The following CUX1 variants were observed in gnomAD, a reference collection of about 807,000 sequenced individuals.
The protein encoded by CUX1 is cut like homeobox 1, also known as protein CASP.
In CUX1, 31 loss-of-function variants were observed where a neutral mutation model predicts 158.8. The observed-to-expected ratio is 0.20, with a 90% CI of 0.15 to 0.26. The LOEUF (loss-of-function observed/expected upper bound fraction) is 0.26, where lower values mean the gene tolerates loss of function less well. Ranked by LOEUF, CUX1 falls within the 10% of genes least tolerant of loss-of-function variation. CUX1 has a pLI of 1.00. For synonymous variants in CUX1, 879 were observed against 862.1 expected, an observed-to-expected ratio of 1.02 and a Z score of -0.34; for missense variants, 1,589 against 2,014.6, an observed-to-expected ratio of 0.79 and a Z score of 4.04.
At chr7:102,110,428 A>G (rs1223082317) in intron 6 of CUX1, among the ~76,000 whole-genome samples, 1 of 152,212 alleles carries the variant, frequency 6.6e-6, no homozygotes, top group African/African-American at 2.4e-5. Flanking sequence ...AGCATGTTAC[A>G]TATTAGTTTG....
At position 102,015,661 on chromosome 7, in the gene CUX1, T is replaced by C. The variant is rs1310937619; in HGVS notation, c.142-12437T>C. On this transcript the variant is annotated intron_variant, in intron 2 of 23. Transcript: ENST00000292535. ...AATGCTTATATGTGTGTGAGATTCA[T>C]TGTTACCATGTTGGGATCAGACTGT... is the stretch of plus-strand genomic sequence containing the variant. Among the ~76,000 whole-genome samples, 15 of 152,234 alleles carry C rather than the reference T, an allele frequency of 9.9e-5. No individual in the cohort carries two copies. In the South Asian group the frequency reaches 1.2e-3, roughly 13 times the overall value.
chr7:102,282,568 T>A (rs2132854749), intron 21 of CUX1: 1 of 724,044 alleles, frequency 1.4e-6, no homozygotes, highest in South Asian at 1.8e-5. Flanking sequence ...AAGCAGTGGG[T>A]GCAGGAACAT....
At chr7:101,887,844 T>C (rs1257649432) in intron 1 of CUX1, among the ~76,000 whole-genome samples, 10,363 of 51,154 alleles carry the variant, frequency 0.2, 427 homozygotes, top group Non-Finnish European at 0.28. Flanking sequence ...GACGGTGACA[T>C]TTTTTTTTTT....
At chr7:101,944,221 T>C (rs975552502) in intron 2 of CUX1, among the ~76,000 whole-genome samples, 17 of 151,364 alleles carry the variant, frequency 1.1e-4, no homozygotes, top group African/African-American at 3.6e-4. Flanking sequence ...TTGCAGGGGG[T>C]AGTTGTGTCC....
intron 8 of CUX1, among the ~76,000 whole-genome samples, chr7:102,142,779 G>A (rs772421037): frequency 6.1e-5 from 9 of 148,538 alleles, no homozygotes; most frequent in African/African-American, 1.5e-4. Context: ...AAAATTAGCC[G>A]GGAGAGGTGA....
chr7:102,118,815 G>A (rs977951079), intron 8 of CUX1, among the ~76,000 whole-genome samples: 19 of 152,088 alleles, frequency 1.2e-4, no homozygotes, highest in African/African-American at 4.6e-4. Context: ...GCAGTGGCAC[G>A]ATCTTGGCTC....
At chr7:102,077,364 G>C (rs1826876260) in intron 4 of CUX1, among the ~76,000 whole-genome samples, 1 of 151,836 alleles carries the variant, frequency 6.6e-6, no homozygotes, top group East Asian at 1.9e-4. Flanking sequence ...CAGCCAGACG[G>C]AGACACTGAA....
chr7:102,136,257 C>T (rs1219823248), intron 8 of CUX1, among the ~76,000 whole-genome samples: 5 of 151,928 alleles, frequency 3.3e-5, no homozygotes, highest in African/African-American at 7.3e-5. Flanking sequence ...CTCTTGATGA[C>T]GTCTCCTTGT....
chr7:102,227,326 A>G (rs1488615169), intron 20 of CUX1, 41 bp from the exon 21 acceptor site: 1 of 1,550,086 alleles, frequency 6.5e-7, no homozygotes, highest in Non-Finnish European at 8.8e-7. Flanking sequence ...GGTAAAAGAC[A>G]GCTATTTTCA....
At chr7:102,145,095 A>T (rs1451556407) in intron 8 of CUX1, among the ~76,000 whole-genome samples, 1 of 151,758 alleles carries the variant, frequency 6.6e-6, no homozygotes, top group Non-Finnish European at 1.5e-5. Flanking sequence ...TTAAAAAAAA[A>T]AAAAAAAAAA....
At chr7:101,845,184 C>G (rs747223149) in intron 1 of CUX1, among the ~76,000 whole-genome samples, 2 of 151,994 alleles carry the variant, frequency 1.3e-5, no homozygotes, top group Non-Finnish European at 2.9e-5. Context: ...TGGGGTCTCA[C>G]TATGTTGCCC....
At chr7:102,026,136 A>C (rs1819996789) in intron 2 of CUX1, among the ~76,000 whole-genome samples, 1 of 152,104 alleles carries the variant, frequency 6.6e-6, no homozygotes, top group Admixed American at 6.6e-5. Context: ...CTATGATCAC[A>C]CCACTACACT....
chr7:102,100,925 C>A (rs540095606), intron 5 of CUX1, among the ~76,000 whole-genome samples: 60 of 152,254 alleles, frequency 3.9e-4, no homozygotes, highest in Middle Eastern at 3.4e-3. Context: ...GCTGTATGAG[C>A]ACGATGCCAG....
chr7:101,908,450 TTTTGTTTGTTTGTTTG>T lies in CUX1; in HGVS notation c.31-7645_31-7630del, dbSNP rs59267502. 9.4e-4 allele frequency among the ~76,000 whole-genome samples: 142 copies of T among 150,292 alleles called. 1 individual carries two copies. The highest frequency in any genetic ancestry group is 1.6e-3 in the Non-Finnish European group (105 of 67,556). On this transcript the variant is annotated intron_variant, in intron 1 of 23. Coordinates refer to ENST00000292535, the MANE Select transcript of CUX1 (RefSeq NM_181552.4). ...CGTGAACCACTGCGCCCAGCCTGTTTTTTGTTTGTTTGTTTGTTTGTTTGTTTGTTTGTTTTTGAAT... is the reference window on the plus strand; with the variant it reads ...CGTGAACCACTGCGCCCAGCCTGTTTTTTGTTTGTTTGTTTGTTTTTGAAT...
At chr7:102,057,700 A>G (rs1585455663) in intron 3 of CUX1, among the ~76,000 whole-genome samples, 1 of 152,304 alleles carries the variant, frequency 6.6e-6, no homozygotes, top group East Asian at 1.9e-4. Context: ...ACTTGAATGG[A>G]TGAGGGGTTG....
chr7:102,159,871 A>T (rs1477189359), intron 9 of CUX1, among the ~76,000 whole-genome samples: 1 of 151,430 alleles, frequency 6.6e-6, no homozygotes, highest in Non-Finnish European at 1.5e-5. Context: ...AATAAAATTT[A>T]AAAATAAATT....
chr7:102,250,697 T>A lies in CUX1; in HGVS notation c.*1655T>A, dbSNP rs781904203. 15 of 985,438 alleles carry A rather than the reference T, an allele frequency of 1.5e-5. No individual in the cohort carries two copies. The highest frequency in any genetic ancestry group is 1.8e-5 in the Non-Finnish European group (15 of 829,922). The allele number at this position is 985,438 out of a possible 1,614,324, so 61.0% of individuals were successfully genotyped here. A position where few individuals can be genotyped will look rare whatever the true frequency, so the allele number is the denominator to read the frequency against. On this transcript the variant is annotated 3_prime_UTR_variant, in exon 24 of 24. Coordinates refer to ENST00000292535, the MANE Select transcript of CUX1 (RefSeq NM_181552.4). ...TTTTATGCACAGTTTTAGGGCAGTC[T>A]AAGTACAAACTGAAAGTCTAACTTG... is the stretch of plus-strand genomic sequence containing the variant.
intron 1 of CUX1, chr7:101,913,072 C>T: frequency 5.8e-6 from 1 of 171,154 alleles, no homozygotes; most frequent in South Asian, 1.0e-4. Flanking sequence ...TCGCTGTCTC[C>T]TCCCACAGCC....
At chr7:102,175,154 C>T (rs1306687375) in intron 10 of CUX1, among the ~76,000 whole-genome samples, 1 of 152,212 alleles carries the variant, frequency 6.6e-6, no homozygotes, top group Non-Finnish European at 1.5e-5. Context: ...CATGCCCAGC[C>T]GGGCGCAGGA....
Sources: allele counts gnomAD v4.1 joint callset (sites outside exome capture counted in the v4.1 genomes callset), GRCh38; gene constraint gnomAD v4.1.1; transcripts MANE v1.5; gene names NCBI Gene and HGNC (gene_info 2026-07-23, HGNC 2026-07-21).